The following GRIP1 variants were observed in gnomAD, a reference collection of about 807,000 sequenced individuals.
The protein encoded by GRIP1 is glutamate receptor-interacting protein 1.
A neutral mutation model predicts 129.9 loss-of-function variants in GRIP1; 45 were observed. The observed-to-expected ratio is 0.35, with a 90% CI of 0.27 to 0.44. GRIP1 has a LOEUF of 0.44. Among genes scored for constraint, GRIP1 ranks in the 20% least tolerant of loss-of-function variants. The pLI is 1.00. For missense variants in GRIP1, 1,196 were observed against 1,396.8 expected (o/e 0.86, Z 2.29); for synonymous variants, 530 against 520.8 (o/e 1.02, Z -0.24).
intron 1 of GRIP1, among the ~76,000 whole-genome samples, chr12:67,014,661 C>A (rs1269047255): frequency 6.6e-6 from 1 of 152,022 alleles, no homozygotes; most frequent in African/African-American, 2.4e-5. Context: ...ATTCCATAAC[C>A]CCCTGCAGAG....
At chr12:66,355,455 C>T (rs1371462172) in intron 23 of GRIP1, among the ~76,000 whole-genome samples, 2 of 152,062 alleles carry the variant, frequency 1.3e-5, no homozygotes, top group Admixed American at 6.5e-5. Context: ...CTCAGTCTGC[C>T]CTCACTTATA....
At chr12:66,520,096 T>G (rs1317616683) in intron 5 of GRIP1, among the ~76,000 whole-genome samples, 1 of 152,216 alleles carries the variant, frequency 6.6e-6, no homozygotes. Context: ...CAAGTTCCAT[T>G]CTATTAGGTT....
At chr12:66,497,333 G>A (rs761201515) in intron 7 of GRIP1, among the ~76,000 whole-genome samples, 8 of 152,192 alleles carry the variant, frequency 5.3e-5, no homozygotes, top group African/African-American at 9.7e-5. Context: ...TGTTTTGTCT[G>A]AGTAACAGAC....
At chr12:66,650,621 T>A (rs2136139028) in intron 1 of GRIP1, among the ~76,000 whole-genome samples, 1 of 152,316 alleles carries the variant, frequency 6.6e-6, no homozygotes, top group South Asian at 2.1e-4. Flanking sequence ...CACATGCTGG[T>A]CACTATGATT....
intron 1 of GRIP1, among the ~76,000 whole-genome samples, chr12:66,809,896 T>C (rs1478589227): frequency 6.6e-6 from 1 of 152,118 alleles, no homozygotes; most frequent in Non-Finnish European, 1.5e-5. Context: ...GCTCCAGCAA[T>C]CTGCCCACCT....
At chr12:66,689,210 T>C (rs2034890871) in intron 1 of GRIP1, among the ~76,000 whole-genome samples, 1 of 152,192 alleles carries the variant, frequency 6.6e-6, no homozygotes, top group South Asian at 2.1e-4. Flanking sequence ...TAGATGAGTA[T>C]AACAAAGCTT....
At chr12:67,020,820 C>T (rs2042855256) in intron 1 of GRIP1, among the ~76,000 whole-genome samples, 1 of 152,020 alleles carries the variant, frequency 6.6e-6, no homozygotes, top group Non-Finnish European at 1.5e-5. Context: ...ATAATCTGGG[C>T]CCAGTGCAGT....
At chr12:66,520,770 T>C (rs2060977217) in intron 5 of GRIP1, among the ~76,000 whole-genome samples, 1 of 152,246 alleles carries the variant, frequency 6.6e-6, no homozygotes, top group South Asian at 2.1e-4. Context: ...GGTTTAGCTC[T>C]TTCATTAGTA....
chr12:66,809,187 T>G (rs2039054781), intron 1 of GRIP1, among the ~76,000 whole-genome samples: 1 of 152,226 alleles, frequency 6.6e-6, no homozygotes, highest in South Asian at 2.1e-4. Context: ...TTACATGATT[T>G]CCGTACTCTT....
chr12:66,753,534 T>C (rs2037194024), intron 1 of GRIP1, among the ~76,000 whole-genome samples: 1 of 152,180 alleles, frequency 6.6e-6, no homozygotes, highest in South Asian at 2.1e-4. Context: ...CACTGAGATT[T>C]GGGAGTTTCT....
intron 15 of GRIP1, among the ~76,000 whole-genome samples, chr12:66,410,558 G>T (rs1179019550): frequency 1.3e-5 from 2 of 151,706 alleles, no homozygotes; most frequent in South Asian, 4.2e-4. Flanking sequence ...CAGGAGAATC[G>T]CTTGAACCCA....
intron 1 of GRIP1, among the ~76,000 whole-genome samples, chr12:66,759,858 ATTT>A (rs60298525): frequency 2.1e-5 from 3 of 144,704 alleles, no homozygotes; most frequent in Non-Finnish European, 3.0e-5. Flanking sequence ...TACTATCAAC[ATTT>A]TTTTTTTTTT....
At chr12:67,045,228 T>G (rs762391112) in intron 1 of GRIP1, among the ~76,000 whole-genome samples, 3 of 152,022 alleles carry the variant, frequency 2.0e-5, no homozygotes, top group Non-Finnish European at 4.4e-5. Context: ...TTCAATGAAG[T>G]AATTAGTCAG....
At chr12:66,863,861 C>T (rs553851173) in intron 1 of GRIP1, among the ~76,000 whole-genome samples, 3 of 152,238 alleles carry the variant, frequency 2.0e-5, no homozygotes, top group African/African-American at 7.2e-5. Context: ...CTCACAGACC[C>T]ATAGCAGTTC....
intron 1 of GRIP1, among the ~76,000 whole-genome samples, chr12:67,025,459 G>T (rs2042929334): frequency 6.6e-6 from 1 of 152,066 alleles, no homozygotes; most frequent in African/African-American, 2.4e-5. Context: ...AAGAAAACAA[G>T]AAACTTTAAA....
At chr12:66,626,737 T>G (rs1416630127) in intron 1 of GRIP1, 2 of 152,922 alleles carry the variant, frequency 1.3e-5, no homozygotes, top group Non-Finnish European at 2.9e-5. Context: ...GCGTCACCAC[T>G]CCTCATTTCA....
At chr12:66,536,761 A>T (rs538881330) in intron 4 of GRIP1, among the ~76,000 whole-genome samples, 1 of 152,330 alleles carries the variant, frequency 6.6e-6, no homozygotes, top group Admixed American at 6.5e-5. Context: ...CTTCTGCTAC[A>T]ATATAAACTC....
chr12:66,693,488 T>C (rs553962948), intron 1 of GRIP1, among the ~76,000 whole-genome samples: 1 of 152,318 alleles, frequency 6.6e-6, no homozygotes, highest in East Asian at 1.9e-4. Context: ...CACTGTTATC[T>C]GCCTGGCCCT....
rs562202960 is a variant in GRIP1 at position 66,846,395 on chromosome 12, C to T, written c.58+222655G>A. 8.5e-5 allele frequency among the ~76,000 whole-genome samples: 13 copies of T among 152,282 alleles called. No homozygotes were observed. The South Asian group carries it at 2.7e-3, about 32-fold the overall frequency. On this transcript the variant is annotated intron_variant, in intron 1 of 1. Transcript: ENST00000643019. ...CTAGAAATATGAGTCATCTTCATCC[C>T]CACATTTCTCTTATCCCCAGTATCT...
Sources: gnomAD v4.1 joint callset for allele counts (sites outside exome capture counted in the v4.1 genomes callset) on GRCh38, gnomAD v4.1.1 for gene constraint, MANE v1.5 for transcripts, NCBI Gene and HGNC (gene_info 2026-07-23, HGNC 2026-07-21) for gene names.